Variants in NAALADL2 observed in about 807,000 individuals in gnomAD.
NAALADL2 encodes N-acetylated alpha-linked acidic dipeptidase like 2.
In NAALADL2, 76 loss-of-function variants were observed where a neutral mutation model predicts 87.2. The observed-to-expected ratio is 0.87, with a 90% CI of 0.72 to 1.05. NAALADL2 has a LOEUF of 1.05. Among genes scored for constraint, NAALADL2 ranks in the 50% least tolerant of loss-of-function variants. The probability of loss-of-function intolerance (pLI) is 0.00; values close to 1 mark genes in which losing one functional copy is unlikely to be tolerated. For synonymous variants in NAALADL2, 354 were observed against 331.0 expected (o/e 1.07, Z -0.75); for missense variants, 1,089 against 945.8 (o/e 1.15, Z -1.99).
At chr3:175,625,640 T>G (rs891717768) in intron 10 of NAALADL2, among the ~76,000 whole-genome samples, 10 of 151,972 alleles carry the variant, frequency 6.6e-5, no homozygotes, top group African/African-American at 2.4e-4. Context: ...ATTAATCACT[T>G]TGGCCATAGA....
chr3:175,555,334 A>T (rs953658617), intron 9 of NAALADL2, among the ~76,000 whole-genome samples: 1 of 152,214 alleles, frequency 6.6e-6, no homozygotes, highest in Non-Finnish European at 1.5e-5. Flanking sequence ...AACTTCTGTC[A>T]GTCTTTCAAA....
intron 1 of NAALADL2, among the ~76,000 whole-genome samples, chr3:175,002,501 GC>G (rs1414896286): frequency 3.3e-5 from 5 of 152,238 alleles, no homozygotes; most frequent in Non-Finnish European, 7.4e-5. Flanking sequence ...CATCACCGTT[GC>G]AGTGAACCCA....
chr3:175,746,172 T>C (rs538371993), intron 12 of NAALADL2, among the ~76,000 whole-genome samples: 41 of 152,070 alleles, frequency 2.7e-4, no homozygotes, highest in Non-Finnish European at 4.6e-4. Context: ...TTTCTTTTTT[T>C]TTTCATTAGC....
intron 2 of NAALADL2, among the ~76,000 whole-genome samples, chr3:174,697,491 C>CT (rs928512334): frequency 1.3e-5 from 2 of 149,186 alleles, no homozygotes; most frequent in African/African-American, 2.6e-5. Context: ...AAGGATGCTT[C>CT]TTTTTTCACA....
At chr3:175,465,324 A>G (rs936047666) in intron 7 of NAALADL2, among the ~76,000 whole-genome samples, 10 of 152,078 alleles carry the variant, frequency 6.6e-5, no homozygotes, top group African/African-American at 2.4e-4. Context: ...ACAATAATCA[A>G]TTAGCATTGT....
intron 4 of NAALADL2, among the ~76,000 whole-genome samples, chr3:175,307,920 C>A (rs1278330189): frequency 6.6e-6 from 1 of 152,096 alleles, no homozygotes; most frequent in Admixed American, 6.6e-5. Context: ...CCTGTTATCA[C>A]AACATGAGCA....
intron 1 of NAALADL2, among the ~76,000 whole-genome samples, chr3:174,521,187 A>T (rs2108412123): frequency 6.6e-6 from 1 of 152,352 alleles, no homozygotes; most frequent in Admixed American, 6.5e-5. Flanking sequence ...ATTATACAAA[A>T]AAAGACACAT....
intron 4 of NAALADL2, among the ~76,000 whole-genome samples, chr3:175,307,048 G>C (rs577351824): frequency 4.1e-4 from 63 of 152,200 alleles, no homozygotes; most frequent in Middle Eastern, 3.4e-3. Context: ...TTGCCCAATA[G>C]TATACTCTTA....
chr3:174,787,277 T>C (rs922149868), intron 3 of NAALADL2, among the ~76,000 whole-genome samples: 9 of 151,710 alleles, frequency 5.9e-5, no homozygotes, highest in African/African-American at 2.2e-4. Context: ...GAAAGTGTAA[T>C]GAAAACACAA....
intron 2 of NAALADL2, among the ~76,000 whole-genome samples, chr3:175,150,280 T>G (rs7426492): frequency 0.3 from 45,810 of 152,026 alleles, 7,117 homozygotes; most frequent in South Asian, 0.36. Context: ...ACAAATAAAA[T>G]TTGATAGCAG....
intron 12 of NAALADL2, among the ~76,000 whole-genome samples, chr3:175,750,521 G>A: frequency 6.6e-6 from 1 of 152,040 alleles, no homozygotes; most frequent in East Asian, 1.9e-4. Context: ...GGAGGATTTG[G>A]ATTGGAGGGA....
Position 174,543,530 on chromosome 3 carries a change from G to A in NAALADL2, c.-183-7039G>A, listed in dbSNP as rs112090908. On this transcript the variant is annotated intron_variant, in intron 1 of 3. Coordinates refer to the NAALADL2 transcript ENST00000434257. ...TCTAAGATGTTTTATAGTCTATGTC[G>A]TTTCTTTTTTGCTTTTCCTTTCTTC... Among the ~76,000 whole-genome samples, 1,302 of 151,928 alleles carry A rather than the reference G, an allele frequency of 8.6e-3. 23 individuals carry two copies. Among genetic ancestry groups the A allele is most frequent in the African/African-American group, 0.03 (1,258 of 41,422 alleles).
rs188078780 is a variant in NAALADL2, at chr3:174,801,920, T to C, written c.-9+64174T>C. On this transcript the variant is annotated intron_variant, in intron 3 of 3. Coordinates refer to the NAALADL2 transcript ENST00000434257. ...TCTGATGTTACTAATGGATTGTGAT[T>C]TGTGTTTCCAAAATTAATGCTAAAA... is the stretch of plus-strand genomic sequence containing the variant. Among the ~76,000 whole-genome samples, 409 of 152,168 alleles carry C rather than the reference T, an allele frequency of 2.7e-3. 1 individual carries two copies. Among genetic ancestry groups the C allele is most frequent in the Non-Finnish European group, 5.1e-3 (350 of 68,000 alleles).
chr3:174,870,232 T>C (rs1727650008), intron 1 of NAALADL2, among the ~76,000 whole-genome samples: 1 of 152,142 alleles, frequency 6.6e-6, no homozygotes, highest in Admixed American at 6.6e-5. Flanking sequence ...ATCTTCAGAT[T>C]GTATGCCACT....
intron 2 of NAALADL2, among the ~76,000 whole-genome samples, chr3:174,600,358 G>A (rs920137324): frequency 1.5e-4 from 23 of 151,828 alleles, no homozygotes; most frequent in Non-Finnish European, 1.5e-4. Context: ...AGAATAGTTG[G>A]TCAAATACAG....
At chr3:175,799,065 A>G (rs1055872094) in intron 13 of NAALADL2, among the ~76,000 whole-genome samples, 1 of 152,066 alleles carries the variant, frequency 6.6e-6, no homozygotes, top group Non-Finnish European at 1.5e-5. Context: ...GGATTATAAT[A>G]TTTTTGTTTG....
At chr3:175,078,411 A>T (rs1271122894) in intron 1 of NAALADL2, among the ~76,000 whole-genome samples, 2 of 144,164 alleles carry the variant, frequency 1.4e-5, no homozygotes, top group East Asian at 1.9e-4. Context: ...TAATAATTTT[A>T]AAAAATTATT....
intron 5 of NAALADL2, among the ~76,000 whole-genome samples, chr3:175,426,602 GA>G (rs1176496888): frequency 6.6e-6 from 1 of 152,116 alleles, no homozygotes; most frequent in East Asian, 1.9e-4. Context: ...TTCAACGTTT[GA>G]ATCTCAGTTG....
chr3:174,688,394 A>T (rs1728240208), intron 2 of NAALADL2, among the ~76,000 whole-genome samples: 1 of 149,744 alleles, frequency 6.7e-6, no homozygotes, highest in Non-Finnish European at 1.5e-5. Context: ...TTAATATTAA[A>T]ATAATATAAA....
Sources: allele counts gnomAD v4.1 joint callset (sites outside exome capture counted in the v4.1 genomes callset), GRCh38; gene constraint gnomAD v4.1.1; transcripts MANE v1.5; gene names NCBI Gene and HGNC (gene_info 2026-07-23, HGNC 2026-07-21).